LAMA1: variants seen among roughly 807,000 people sequenced by gnomAD.
LAMA1 encodes laminin subunit alpha-1.
In LAMA1, 219 loss-of-function variants were observed where a neutral mutation model predicts 348.7. The ratio of observed to expected loss-of-function variants is 0.63; its 90% CI spans 0.56 to 0.70. The LOEUF is 0.70. LAMA1 is among the 30% of genes least tolerant of loss of function. LAMA1 has a pLI of 0.00. For missense variants in LAMA1, 3,744 were observed against 3,888.0 expected (o/e 0.96, Z 0.99); for synonymous variants, 1,487 against 1,491.0 (o/e 1.00, Z 0.06).
At chr18:7,030,979 C>T (rs661569) in intron 16 of LAMA1, among the ~76,000 whole-genome samples, 33,708 of 151,792 alleles carry the variant, frequency 0.22, 4,181 homozygotes, top group African/African-American at 0.33. Flanking sequence ...TGAGTCTGCC[C>T]GTAAACCACC....
chr18:7,088,602 C>T (rs965556042), intron 1 of LAMA1, among the ~76,000 whole-genome samples: 1 of 152,092 alleles, frequency 6.6e-6, no homozygotes, highest in Non-Finnish European at 1.5e-5. Flanking sequence ...ACTGCCACCT[C>T]GAACTCCCAG....
chr18:7,106,169 C>T (rs763245979), intron 1 of LAMA1, among the ~76,000 whole-genome samples: 37 of 152,154 alleles, frequency 2.4e-4, no homozygotes, highest in Non-Finnish European at 4.0e-4. Flanking sequence ...CTGTTATGTA[C>T]AGAGCACTAG....
rs199940262 is a variant in LAMA1 at position 6,985,252 on chromosome 18, G to A, written c.5645C>T (p.Ala1882Val). ...EDHAAEFQRL[A>V]DVLYSGLENI... The stretch of plus-strand genomic sequence containing the variant: ...GTGTTCCTACCTGTACAGAACATCT[G>A]CTAGTCTCTGGAACTCAGCGGCATG... The change falls in exon 39 of 63, where the codon GCA becomes GTA. Residue 1882 changes from alanine (A) to valine (V), a missense_variant. Physicochemically the swap from Ala to Val is moderately conservative, Grantham distance 64. Coordinates refer to ENST00000389658, the MANE Select transcript of LAMA1 (RefSeq NM_005559.4). 2 of 1,614,102 alleles carry A rather than the reference G, an allele frequency of 1.2e-6. No individual in the cohort carries two copies. The highest frequency in any genetic ancestry group is 1.7e-6 in the Non-Finnish European group (2 of 1,179,992).
Position 6,983,186 on chromosome 18 carries a change from G to C in LAMA1, c.5709C>G (p.Ala1903=). ...RNVSLNATSA[A]YVHYNIQSLI... ...GGCTCTGGATGTTGTAATGGACATA[G>C]GCTGCACTGGTGGCATTCAGGGACA... Residue 1903 remains alanine, a synonymous_variant, in exon 40 of 63, where the codon GCC becomes GCG. Coordinates refer to ENST00000389658, the MANE Select transcript of LAMA1 (RefSeq NM_005559.4). 1 of 1,614,122 alleles carries C rather than the reference G, an allele frequency of 6.2e-7. No individual in the cohort carries two copies. The highest frequency in any genetic ancestry group is 8.5e-7 in the Non-Finnish European group (1 of 1,180,010).
intron 1 of LAMA1, among the ~76,000 whole-genome samples, chr18:7,093,082 T>C (rs1168600457): frequency 6.6e-6 from 1 of 152,166 alleles, no homozygotes; most frequent in African/African-American, 2.4e-5. Context: ...AACACTTCCT[T>C]GTTCAATATT....
intron 54 of LAMA1, 139 bp downstream of exon 54, chr18:6,959,202 C>G: frequency 9.2e-7 from 1 of 1,084,422 alleles, no homozygotes. Flanking sequence ...AGGAAAGAAT[C>G]CTAGCAAGGT....
At chr18:6,955,300 C>T in intron 57 of LAMA1, 53 bp downstream of exon 57, 1 of 1,343,412 alleles carries the variant, frequency 7.4e-7, no homozygotes, top group South Asian at 1.2e-5. Flanking sequence ...TGCAGAACAC[C>T]CCCATACATC....
intron 56 of LAMA1, 157 bp downstream of exon 56, chr18:6,956,479 T>G (rs1418426205): frequency 9.4e-6 from 12 of 1,281,220 alleles, no homozygotes; most frequent in Non-Finnish European, 1.3e-5. Context: ...ACCCTTTCCC[T>G]CCCTGTCCCC....
chr18:6,964,858 A>G, intron 50 of LAMA1, 55 bp from the exon 51 acceptor site: 2 of 1,601,704 alleles, frequency 1.2e-6, no homozygotes, highest in Non-Finnish European at 1.7e-6. Context: ...TTCCATGTTA[A>G]GGTAAAATGC....
At position 7,033,011 on chromosome 18, in the gene LAMA1, C is replaced by T. The variant is rs139988519; in HGVS notation, c.2136G>A (p.Pro712=). The change falls in exon 15 of 63, where the codon CCG becomes CCA. Residue 712 remains proline, a synonymous_variant. Coordinates refer to ENST00000389658, the MANE Select transcript of LAMA1 (RefSeq NM_005559.4). ...VAADVEHCEC[P]QGYTGTSCES... is the part of the protein sequence containing the mutation. ...CACAGGAGGTCCCTGTGTAGCCTTGCGGACATTCACAGTGCTCCACATCAG... is the reference window on the plus strand; with the variant it reads ...CACAGGAGGTCCCTGTGTAGCCTTGTGGACATTCACAGTGCTCCACATCAG... 1.2e-5 allele frequency: 20 copies of T among 1,610,892 alleles called. No homozygotes were observed. The Middle Eastern group carries it at 4.9e-4, about 40-fold the overall frequency.
At chr18:6,995,598 T>C (rs2057777905) in intron 33 of LAMA1, 152 bp from the exon 34 acceptor site, 1 of 651,222 alleles carries the variant, frequency 1.5e-6, no homozygotes, top group Admixed American at 2.4e-5. Flanking sequence ...CACATTTACT[T>C]AGGTTTCGAT....
intron 57 of LAMA1, among the ~76,000 whole-genome samples, chr18:6,953,065 C>T (rs71360055): frequency 0.2 from 20,420 of 102,002 alleles, 2,947 homozygotes; most frequent in East Asian, 0.44. Flanking sequence ...GGCGGATCCA[C>T]GCCATGGGAG....
In LAMA1 at chr18:7,007,226, CCT is replaced by C. The variant is rs772239586; in HGVS notation, c.4171_4172del (p.Arg1391GlyfsTer19). The stretch of plus-strand genomic sequence containing the variant: ...AAGGAGCAACCAGAGGGCGTGGTCC[CCT>C]GTCACTCCCTGCTGGGAGCTTCCCT... ...HRGKLPAGSD[R>X]GPRPLVAPCV... On this transcript the variant is annotated frameshift_variant, in exon 29 of 63. Transcript: ENST00000389658. LOFTEE classifies it high-confidence loss of function. 27 of 1,613,994 alleles carry C rather than the reference CCT, an allele frequency of 1.7e-5. No homozygotes were observed. The highest frequency in any genetic ancestry group is 1.1e-4 in the East Asian group (5 of 44,880).
At chr18:7,024,273 T>C in intron 18 of LAMA1, 107 bp downstream of exon 18, 3 of 756,128 alleles carry the variant, frequency 4.0e-6, no homozygotes, top group Middle Eastern at 5.0e-4. Flanking sequence ...GAAATAACAA[T>C]TATGCATCAA....
Position 7,013,983 on chromosome 18 carries a change from G to A in LAMA1, c.3195C>T (p.Cys1065=). 1.2e-6 allele frequency: 2 copies of A among 1,613,896 alleles called. No individual in the cohort carries two copies. Among genetic ancestry groups the A allele is most frequent in the Middle Eastern group, 1.6e-4 (1 of 6,062 alleles). The change falls in exon 23 of 63, where the codon TGC becomes TGT. Residue 1065 remains cysteine, a synonymous_variant. Transcript: ENST00000389658. ...AGGCCCGGCCACCAAATTTTGACTTGCACTGGCAATGGCCGGTGACCACAT... is the reference window on the plus strand; with the variant it reads ...AGGCCCGGCCACCAAATTTTGACTTACACTGGCAATGGCCGGTGACCACAT... ...RCDVVTGHCQ[C]KSKFGGRACD...
intron 20 of LAMA1, among the ~76,000 whole-genome samples, chr18:7,017,028 C>T (rs2057891597): frequency 6.6e-6 from 1 of 152,174 alleles, no homozygotes; most frequent in Non-Finnish European, 1.5e-5. Context: ...GTTACTCTCT[C>T]CTGCTGCCTT....
intron 59 of LAMA1, 97 bp downstream of exon 59, chr18:6,949,004 G>T: frequency 6.8e-7 from 1 of 1,470,186 alleles, no homozygotes; most frequent in African/African-American, 1.4e-5. Flanking sequence ...GTTCAAACAA[G>T]GTAATTTAAA....
intron 18 of LAMA1, 76 bp downstream of exon 18, chr18:7,024,304 C>A (rs2057932534): frequency 9.0e-7 from 1 of 1,108,984 alleles, no homozygotes; most frequent in East Asian, 2.5e-5. Flanking sequence ...CCACACTTAA[C>A]TACGCATTTA....
rs183640830 is a variant in LAMA1, at chr18:6,960,972, G to A, written c.7626+614C>T. Among the ~76,000 whole-genome samples, 16 of 152,274 alleles carry A rather than the reference G, an allele frequency of 1.1e-4. No individual in the cohort carries two copies. In the East Asian group the frequency reaches 1.9e-3, roughly 18 times the overall value. ...GGCATTCTATAGATTTTAGCTGCAT[G>A]GACTCAACTTGATTAAGACAGTGTG... is the stretch of plus-strand genomic sequence containing the variant. On this transcript the variant is annotated intron_variant, in intron 53 of 62. Transcript: ENST00000389658.
Sources: allele counts gnomAD v4.1 joint callset (sites outside exome capture counted in the v4.1 genomes callset), GRCh38; gene constraint gnomAD v4.1.1; transcripts MANE v1.5; gene names NCBI Gene and HGNC (gene_info 2026-07-23, HGNC 2026-07-21).